MAML2: variants seen among roughly 807,000 people sequenced by gnomAD.
MAML2 encodes the protein mastermind like transcriptional coactivator 2.
A neutral mutation model predicts 96.1 loss-of-function variants in MAML2; 22 were observed. The observed-to-expected ratio is 0.23, with a 90% confidence interval of 0.16 to 0.33. MAML2 has a LOEUF of 0.33. MAML2 is among the 10% of genes least tolerant of loss of function. The pLI, the probability that MAML2 is intolerant of heterozygous loss-of-function variation, is 1.00. For missense variants in MAML2, 1,367 were observed against 1,392.4 expected (o/e 0.98, Z 0.29); for synonymous variants, 561 against 521.3 (o/e 1.08, Z -1.04).
chr11:96,270,872 G>A lies in MAML2; in HGVS notation c.513+70511C>T, dbSNP rs548059425. ...AGATTAACATTTGAGTCAGTGGATC[G>A]GGAAAGGCAGACCCACCCTCAATGT... On this transcript the variant is annotated intron_variant, in intron 1 of 4. Coordinates refer to ENST00000524717, the MANE Select transcript of MAML2 (RefSeq NM_032427.4). 2.2e-4 allele frequency among the ~76,000 whole-genome samples: 33 copies of A among 152,262 alleles called. No individual in the cohort carries two copies. In the South Asian group the frequency reaches 5.4e-3, roughly 25 times the overall value.
intron 2 of MAML2, among the ~76,000 whole-genome samples, chr11:96,091,454 G>A (rs7118784): frequency 0.53 from 79,863 of 151,816 alleles, 21,655 homozygotes; most frequent in Middle Eastern, 0.63. Context: ...TGGTGCAGGT[G>A]TAGATCAGTC....
chr11:96,028,160 T>G (rs1858553513), intron 2 of MAML2, among the ~76,000 whole-genome samples: 1 of 152,236 alleles, frequency 6.6e-6, no homozygotes, highest in Non-Finnish European at 1.5e-5. Context: ...GTATAAATGG[T>G]AAGTATTAGG....
chr11:95,985,635 A>G lies in MAML2; in HGVS notation c.2351T>C (p.Ile784Thr). 1 of 1,598,444 alleles carries G rather than the reference A, an allele frequency of 6.3e-7. No individual in the cohort carries two copies. Among genetic ancestry groups the G allele is most frequent in the Non-Finnish European group, 8.6e-7 (1 of 1,167,092 alleles). ...QQQMLADAEK[I>T]APQDQINRHL... ...TCGGTTTATCTGATCTTGTGGAGCA[A>G]TTTTCTCCTTGAGAAATGATATGAA... The change falls in exon 4 of 5, where the codon ATT becomes ACT. Residue 784 changes from isoleucine to threonine, a missense_variant. Coordinates refer to ENST00000524717, the MANE Select transcript of MAML2 (RefSeq NM_032427.4).
chr11:96,086,988 C>T (rs1050106839), intron 2 of MAML2, among the ~76,000 whole-genome samples: 1 of 152,166 alleles, frequency 6.6e-6, no homozygotes, highest in Non-Finnish European at 1.5e-5. Context: ...CCCAAACCAC[C>T]TCTACCTATT....
At chr11:96,009,870 C>A (rs1338389756) in intron 2 of MAML2, among the ~76,000 whole-genome samples, 1 of 152,052 alleles carries the variant, frequency 6.6e-6, no homozygotes, top group Non-Finnish European at 1.5e-5. Context: ...GTTCAAGAAC[C>A]AATTTTACAA....
intron 4 of MAML2, among the ~76,000 whole-genome samples, chr11:95,984,708 T>C (rs1391476960): frequency 6.6e-6 from 1 of 152,198 alleles, no homozygotes; most frequent in Non-Finnish European, 1.5e-5. Context: ...AATAGGGGTG[T>C]TCACAGCCTT....
At chr11:96,313,603 C>G (rs894006708) in intron 1 of MAML2, among the ~76,000 whole-genome samples, 2 of 152,160 alleles carry the variant, frequency 1.3e-5, no homozygotes, top group African/African-American at 4.8e-5. Context: ...AAAGACTCCT[C>G]TTTCCTGTCA....
intron 1 of MAML2, among the ~76,000 whole-genome samples, chr11:96,250,139 A>G (rs1021814995): frequency 1.2e-4 from 18 of 152,124 alleles, no homozygotes; most frequent in Admixed American, 5.2e-4. Flanking sequence ...CATGGCACTT[A>G]TCACCCTATG....
Position 96,085,868 on chromosome 11 carries a change from C to T in MAML2, c.2139+6024G>A, listed in dbSNP as rs111362111. 9.9e-3 allele frequency among the ~76,000 whole-genome samples: 1,498 copies of T among 151,686 alleles called. 23 individuals carry two copies. The highest frequency in any genetic ancestry group is 0.037 in the South Asian group (176 of 4,786). On this transcript the variant is annotated intron_variant, in intron 2 of 4. Transcript: ENST00000524717. ...GAGGGAAAGAGGAGTTAATTGTTGC[C>T]TTACACAAATTCACTCCATTGTGCT...
chr11:96,342,107 G>A lies in MAML2; in HGVS notation c.-212C>T. ...TGGGGAGAAAGAATAGAAACCAACT[G>A]GGGGGAGGATAAGTTGGAAACAAAC... On this transcript the variant is annotated 5_prime_UTR_variant, in exon 1 of 5. Transcript: ENST00000524717. 3.6e-6 allele frequency: 2 copies of A among 552,270 alleles called. No homozygotes were observed. The highest frequency in any genetic ancestry group is 5.3e-5 in the South Asian group (2 of 37,478). The allele number at this position is 552,270 out of a possible 1,614,324, so 34.2% of individuals were successfully genotyped here.
intron 1 of MAML2, among the ~76,000 whole-genome samples, chr11:96,308,482 A>C (rs183280946): frequency 3.9e-5 from 6 of 152,210 alleles, no homozygotes; most frequent in Admixed American, 6.5e-5. Flanking sequence ...CACTTACTGC[A>C]TACCTGATTA....
intron 1 of MAML2, among the ~76,000 whole-genome samples, chr11:96,281,821 G>C (rs1189801539): frequency 6.6e-6 from 1 of 152,044 alleles, no homozygotes; most frequent in Non-Finnish European, 1.5e-5. Flanking sequence ...AGTGGGCTCT[G>C]ATTGTGCCAC....
At chr11:96,241,693 G>A (rs1287104376) in intron 1 of MAML2, among the ~76,000 whole-genome samples, 1 of 152,258 alleles carries the variant, frequency 6.6e-6, no homozygotes, top group East Asian at 1.9e-4. Flanking sequence ...AGTGTTGATT[G>A]CGGAAGTCAA....
chr11:96,185,356 C>G (rs1033961838), intron 1 of MAML2, among the ~76,000 whole-genome samples: 1 of 152,188 alleles, frequency 6.6e-6, no homozygotes, highest in Non-Finnish European at 1.5e-5. Context: ...AGGTGTCACA[C>G]TGTAGGTTTT....
At chr11:96,154,368 A>G (rs572996212) in intron 1 of MAML2, among the ~76,000 whole-genome samples, 1 of 152,342 alleles carries the variant, frequency 6.6e-6, no homozygotes, top group African/African-American at 2.4e-5. Context: ...ACCAGCACAT[A>G]CACTTACTCC....
At chr11:96,082,460 G>A (rs969356156) in intron 2 of MAML2, among the ~76,000 whole-genome samples, 3 of 152,170 alleles carry the variant, frequency 2.0e-5, no homozygotes, top group Non-Finnish European at 4.4e-5. Flanking sequence ...GTGAAGGGCT[G>A]GGGTTCCAAG....
At chr11:96,313,369 C>T (rs768841599) in intron 1 of MAML2, among the ~76,000 whole-genome samples, 9 of 152,178 alleles carry the variant, frequency 5.9e-5, no homozygotes, top group Non-Finnish European at 1.2e-4. Context: ...AGCAGCTCTC[C>T]GGGCCATTCT....
intron 1 of MAML2, among the ~76,000 whole-genome samples, chr11:96,201,341 T>G (rs1418271098): frequency 6.6e-6 from 1 of 152,148 alleles, no homozygotes; most frequent in African/African-American, 2.4e-5. Flanking sequence ...AAAAGGACCG[T>G]TCCCTCCCCA....
At chr11:96,160,352 G>C (rs1861083939) in intron 1 of MAML2, among the ~76,000 whole-genome samples, 1 of 152,134 alleles carries the variant, frequency 6.6e-6, no homozygotes, top group African/African-American at 2.4e-5. Flanking sequence ...CAGAAAGCTG[G>C]ATTTGAACCC....
Sources: allele counts gnomAD v4.1 joint callset (sites outside exome capture counted in the v4.1 genomes callset), GRCh38; gene constraint gnomAD v4.1.1; transcripts MANE v1.5; gene names NCBI Gene and HGNC (gene_info 2026-07-23, HGNC 2026-07-21).